Variants in UBAP1 observed in about 807,000 individuals in gnomAD.
UBAP1 encodes the protein ubiquitin associated protein 1.
UBAP1 carries 5 observed loss-of-function variants against 39.0 expected under a neutral mutation model. The ratio of observed to expected loss-of-function variants is 0.13; its 90% CI spans 0.07 to 0.27. UBAP1 has a LOEUF of 0.27. Among genes scored for constraint, UBAP1 ranks in the 10% least tolerant of loss-of-function variants. The probability of loss-of-function intolerance (pLI) is 1.00; values close to 1 mark genes in which losing one functional copy is unlikely to be tolerated. For missense variants in UBAP1, 490 were observed against 608.1 expected (o/e 0.81, Z 2.04); for synonymous variants, 211 against 225.1 (o/e 0.94, Z 0.56).
chr9:34,204,110 T>C (rs945030749), intron 1 of UBAP1, among the ~76,000 whole-genome samples: 7 of 152,222 alleles, frequency 4.6e-5, no homozygotes, highest in African/African-American at 1.7e-4. Context: ...GTGGATCAGT[T>C]GAGGTCAGGA....
At chr9:34,247,575 C>G (rs776029650) in intron 4 of UBAP1, among the ~76,000 whole-genome samples, 2 of 151,986 alleles carry the variant, frequency 1.3e-5, no homozygotes, top group East Asian at 1.9e-4. Context: ...CAGGAATGCA[C>G]CACCACACTT....
intron 1 of UBAP1, among the ~76,000 whole-genome samples, chr9:34,219,761 CT>C (rs1282614571): frequency 1.3e-4 from 9 of 69,112 alleles, no homozygotes; most frequent in Admixed American, 1.4e-4. Flanking sequence ...CTCCCCTCCC[CT>C]CTCCCCTCCC....
At chr9:34,216,642 A>ATT (rs57204146) in intron 1 of UBAP1, among the ~76,000 whole-genome samples, 7,833 of 70,188 alleles carry the variant, frequency 0.11, 1,368 homozygotes, top group Non-Finnish European at 0.15. Flanking sequence ...CACCATGCTA[A>ATT]TTTTTTTTTT....
chr9:34,228,768 C>T (rs1479860659), intron 2 of UBAP1, among the ~76,000 whole-genome samples: 9 of 147,264 alleles, frequency 6.1e-5, no homozygotes, highest in African/African-American at 1.5e-4. Flanking sequence ...TTAGTAGAGA[C>T]GGGGGTTTCA....
rs67856544 is a variant in UBAP1 at position 34,181,116 on chromosome 9, C to CTTTTTTTTTT, written c.-8+1884_-8+1893dup. Among the ~76,000 whole-genome samples the CTTTTTTTTTT allele has an allele frequency of 8.7e-3, 628 of 72,256 alleles. 73 individuals are homozygous for CTTTTTTTTTT. The highest frequency in any genetic ancestry group is 0.037 in the East Asian group (71 of 1,944). The allele number at this position is 72,256 out of a possible 152,430, so 47.4% of individuals were successfully genotyped here. A position where few individuals can be genotyped will look rare whatever the true frequency, so the allele number is the denominator to read the frequency against. The stretch of plus-strand genomic sequence containing the variant: ...TGAGCCACCGCACCCGGCCTGTTTT[C>CTTTTTTTTTT]TTTTTTTTTTTTTTTTTGAGACAGA... On this transcript the variant is annotated intron_variant, in intron 1 of 6. Coordinates refer to ENST00000297661, the MANE Select transcript of UBAP1 (RefSeq NM_016525.5).
chr9:34,224,146 CT>C (rs995501113), intron 2 of UBAP1: 739 of 681,820 alleles, frequency 1.1e-3, no homozygotes, highest in South Asian at 2.0e-3. Flanking sequence ...TGATTTTGGC[CT>C]TTTTTTTTCC....
At chr9:34,198,194 T>C (rs943051160) in intron 1 of UBAP1, among the ~76,000 whole-genome samples, 2 of 152,234 alleles carry the variant, frequency 1.3e-5, no homozygotes, top group African/African-American at 4.8e-5. Context: ...TTGGGAGGGC[T>C]GCAGGCTGTA....
chr9:34,232,733 C>CA (rs1833494406), intron 2 of UBAP1, among the ~76,000 whole-genome samples: 1 of 152,222 alleles, frequency 6.6e-6, no homozygotes, highest in South Asian at 2.1e-4. Context: ...AAGTCATCTT[C>CA]ATGGAAGAGG....
chr9:34,236,244 T>C (rs1450618339), intron 3 of UBAP1, among the ~76,000 whole-genome samples: 1 of 152,210 alleles, frequency 6.6e-6, no homozygotes, highest in Non-Finnish European at 1.5e-5. Flanking sequence ...GCCATTATGC[T>C]ACAATTGCCT....
chr9:34,239,328 C>G (rs1316832029), intron 3 of UBAP1, among the ~76,000 whole-genome samples: 1 of 152,240 alleles, frequency 6.6e-6, no homozygotes, highest in Admixed American at 6.5e-5. Context: ...CCTGTCTGGC[C>G]TACAAAGCAG....
chr9:34,223,645 C>T (rs1025596859), intron 2 of UBAP1, among the ~76,000 whole-genome samples: 16 of 152,030 alleles, frequency 1.1e-4, no homozygotes, highest in Non-Finnish European at 1.6e-4. Context: ...TTAGTAGAGG[C>T]GGGGTTTTAC....
chr9:34,243,439 C>G (rs563818691), intron 4 of UBAP1, among the ~76,000 whole-genome samples: 41 of 151,808 alleles, frequency 2.7e-4, no homozygotes, highest in African/African-American at 9.2e-4. Context: ...GAATTTGCTG[C>G]CTTCCACCTG....
At chr9:34,204,738 C>A (rs1831589965) in intron 1 of UBAP1, among the ~76,000 whole-genome samples, 1 of 151,926 alleles carries the variant, frequency 6.6e-6, no homozygotes, top group African/African-American at 2.4e-5. Context: ...TTAATTGCCT[C>A]AGGTGCTCTT....
chr9:34,212,153 G>T, intron 1 of UBAP1: 1 of 209,022 alleles, frequency 4.8e-6, no homozygotes, highest in South Asian at 6.0e-5. Flanking sequence ...TTTTCCCTGT[G>T]ATTAATTATA....
chr9:34,196,133 TTTTATTTA>T (rs571397744), intron 1 of UBAP1, among the ~76,000 whole-genome samples: 5 of 150,688 alleles, frequency 3.3e-5, no homozygotes, highest in African/African-American at 1.2e-4. Context: ...GCTGCTGGCT[TTTTATTTA>T]TTTATTTATT....
intron 6 of UBAP1, 167 bp downstream of exon 6, chr9:34,250,926 C>G: frequency 1.5e-6 from 1 of 652,718 alleles, no homozygotes; most frequent in Non-Finnish European, 2.8e-6. Context: ...CCGAGGCCTG[C>G]GTTTGGCTTG....
In UBAP1 at chr9:34,241,281, G is replaced by A. The variant is rs1283781097; in HGVS notation, c.256G>A (p.Ala86Thr). Residue 86 changes from alanine (A) to threonine (T), a missense_variant, in exon 4 of 7, where the codon GCA becomes ACA. Around this residue, in one of 3 missense-constraint regions of UBAP1, gnomAD observed 144 missense variants for 184.4 expected, o/e 0.78. Coordinates refer to ENST00000297661, the MANE Select transcript of UBAP1 (RefSeq NM_016525.5). ...GGAAGCAGAGTGCAAAATTGCGGAA[G>A]CAGAAGCTAAAGTGAATTCTAAGAG... ...EREAECKIAE[A>T]EAKVNSKSGP... 32 of 1,506,354 alleles carry A rather than the reference G, an allele frequency of 2.1e-5. No homozygotes were observed. Among genetic ancestry groups the A allele is most frequent in the Non-Finnish European group, 2.7e-5 (31 of 1,128,460 alleles). The allele number at this position is 1,506,354 out of a possible 1,614,324, so 93.3% of individuals were successfully genotyped here. A position where few individuals can be genotyped will look rare whatever the true frequency, so the allele number is the denominator to read the frequency against.
At chr9:34,222,076 C>T (rs546445847) in intron 2 of UBAP1, among the ~76,000 whole-genome samples, 1 of 152,244 alleles carries the variant, frequency 6.6e-6, no homozygotes, top group South Asian at 2.1e-4. Flanking sequence ...TTGCAGTGAT[C>T]ATGCCACTGC....
intron 1 of UBAP1, among the ~76,000 whole-genome samples, chr9:34,219,066 A>C (rs990938907): frequency 6.6e-6 from 1 of 152,096 alleles, no homozygotes; most frequent in Non-Finnish European, 1.5e-5. Context: ...CTCTATCTCT[A>C]CACCATGCTG....
Sources: allele counts gnomAD v4.1 joint callset (sites outside exome capture counted in the v4.1 genomes callset), GRCh38; gene constraint gnomAD v4.1.1; regional missense constraint gnomAD v4.1.1; transcripts MANE v1.5; gene names NCBI Gene and HGNC (gene_info 2026-07-23, HGNC 2026-07-21).